GTF2I: variants seen among roughly 807,000 people sequenced by gnomAD.
The protein encoded by GTF2I is general transcription factor IIi.
Under a neutral mutation model 67.6 loss-of-function variants are expected in GTF2I, and 12 were observed. That is an observed-to-expected ratio of 0.18 (90% confidence interval 0.11 to 0.29). The LOEUF is 0.29. GTF2I is among the 10% of genes least tolerant of loss of function. The pLI, the probability that GTF2I is intolerant of heterozygous loss-of-function variation, is 1.00. For synonymous variants in GTF2I, 149 were observed against 197.0 expected (o/e 0.76, Z 2.04); for missense variants, 271 against 580.1 (o/e 0.47, Z 5.47).
At chr7:74,706,904 G>A (rs182424030) in intron 8 of GTF2I, among the ~76,000 whole-genome samples, 1 of 152,194 alleles carries the variant, frequency 6.6e-6, no homozygotes, top group African/African-American at 2.4e-5. Flanking sequence ...AGACTGAAGT[G>A]CAGTGGCACG....
rs369540422 is a variant in GTF2I at position 74,685,404 on chromosome 7, G to C, written c.-5-3720G>C. 1.1e-3 allele frequency among the ~76,000 whole-genome samples: 166 copies of C among 152,296 alleles called. 3 individuals carry two copies. Among genetic ancestry groups the C allele is most frequent in the African/African-American group, 3.6e-3 (150 of 41,558 alleles). On this transcript the variant is annotated intron_variant, in intron 1 of 34. Coordinates refer to ENST00000573035, the MANE Select transcript of GTF2I (RefSeq NM_032999.4). Reference sequence around the variant, plus strand: ...CTCAGCTACTCGGGAGGCTGAGGCAGGAGAATCGCTTGAACCCGGGAGGCA... The same window carrying C: ...CTCAGCTACTCGGGAGGCTGAGGCACGAGAATCGCTTGAACCCGGGAGGCA...
At chr7:74,684,713 C>T (rs1787546251) in intron 1 of GTF2I, 1 of 152,370 alleles carries the variant, frequency 6.6e-6, no homozygotes, top group East Asian at 1.9e-4. Flanking sequence ...GGGGTGCTTT[C>T]CATCCTGCAG....
chr7:74,664,157 G>A (rs1400034019), intron 1 of GTF2I, among the ~76,000 whole-genome samples: 2 of 152,108 alleles, frequency 1.3e-5, no homozygotes, highest in Non-Finnish European at 1.5e-5. Flanking sequence ...GTACGTCATC[G>A]GAAGAGGTGA....
chr7:74,707,326 C>T (rs1292249484), intron 8 of GTF2I, among the ~76,000 whole-genome samples: 1 of 152,234 alleles, frequency 6.6e-6, no homozygotes, highest in Non-Finnish European at 1.5e-5. Context: ...TGTCACCGCC[C>T]TGCCTGCCCC....
intron 1 of GTF2I, among the ~76,000 whole-genome samples, chr7:74,660,593 T>TTTTTCC (rs1804389481): frequency 6.6e-6 from 1 of 151,394 alleles, no homozygotes; most frequent in Non-Finnish European, 1.5e-5. Context: ...TTCTCTCTTT[T>TTTTTCC]TTTTCCTTTT....
At chr7:74,747,113 CAACT>C (rs1442974809) in intron 23 of GTF2I, among the ~76,000 whole-genome samples, 3 of 67,708 alleles carry the variant, frequency 4.4e-5, no homozygotes, top group African/African-American at 1.3e-4. Context: ...AATCTCCAAC[CAACT>C]GTCAAGTATG....
chr7:74,671,721 C>T (rs782787881), intron 1 of GTF2I, among the ~76,000 whole-genome samples: 4 of 152,088 alleles, frequency 2.6e-5, no homozygotes, highest in Non-Finnish European at 4.4e-5. Context: ...GTGTCTCACG[C>T]CTGTAATCTG....
rs781943013 is a variant in GTF2I at position 74,700,269 on chromosome 7, A to G, written c.396A>G (p.Thr132=). ...FCYGKALGKS[T]VVPVPYEKML... ...CAGGGAAAGCTTTAGGCAAATCCAC[A>G]GTGGTACCTGTACCATATGAGAAGA... The change falls in exon 5 of 35, where the codon ACA becomes ACG. Residue 132 remains threonine, a synonymous_variant. Coordinates refer to ENST00000573035, the MANE Select transcript of GTF2I (RefSeq NM_032999.4). The G allele has an allele frequency of 6.2e-7, 1 of 1,614,160 alleles. No individual in the cohort carries two copies. The highest frequency in any genetic ancestry group is 8.5e-7 in the Non-Finnish European group (1 of 1,180,016).
At chr7:74,731,546 G>A (rs1168450274) in intron 14 of GTF2I, among the ~76,000 whole-genome samples, 2 of 83,662 alleles carry the variant, frequency 2.4e-5, no homozygotes, top group Non-Finnish European at 4.3e-5. Flanking sequence ...TTTTTGTTTT[G>A]TTGTTGTTTT....
At chr7:74,660,654 T>C (rs1223108436) in intron 1 of GTF2I, among the ~76,000 whole-genome samples, 1 of 139,922 alleles carries the variant, frequency 7.1e-6, no homozygotes, top group Admixed American at 7.9e-5. Context: ...GGAGTTTCGC[T>C]CTCGTTGCCC....
intron 3 of GTF2I, among the ~76,000 whole-genome samples, chr7:74,691,948 T>C (rs782442510): frequency 1.4e-4 from 21 of 151,520 alleles, no homozygotes; most frequent in Non-Finnish European, 2.5e-4. Context: ...GGCTAATTTT[T>C]GTAATTTTAG....
chr7:74,695,325 A>G (rs1269522967), intron 3 of GTF2I, among the ~76,000 whole-genome samples: 5 of 152,312 alleles, frequency 3.3e-5, no homozygotes, highest in Admixed American at 2.0e-4. Context: ...AACAAGTTCT[A>G]CCGTGGGTGA....
chr7:74,693,436 G>A (rs1554397567), intron 3 of GTF2I, among the ~76,000 whole-genome samples: 1 of 151,650 alleles, frequency 6.6e-6, no homozygotes, highest in Admixed American at 6.6e-5. Context: ...GTCCTCGAAC[G>A]CACACATATA....
In GTF2I at chr7:74,711,015, T is replaced by C. The variant is rs1791481298; in HGVS notation, c.686-17T>C. On this transcript the variant is annotated splice_polypyrimidine_tract_variant and intron_variant, in intron 8 of 34. Transcript: ENST00000573035. ...AAGTTCTCACATGCAATCATATCAT[T>C]GCATTTGCTTTTCTAGGCATTTCCC... The C allele has an allele frequency of 1.5e-6, 2 of 1,375,614 alleles. No individual in the cohort carries two copies. The highest frequency in any genetic ancestry group is 1.5e-5 in the African/African-American group (1 of 68,862). The allele number at this position is 1,375,614 out of a possible 1,614,324, so 85.2% of individuals were successfully genotyped here.
chr7:74,658,516 C>T (rs1422567160), intron 1 of GTF2I, among the ~76,000 whole-genome samples: 1 of 149,248 alleles, frequency 6.7e-6, no homozygotes, highest in African/African-American at 2.4e-5. Context: ...GGTGCGGGGG[C>T]GCGCGCGGTG....
At chr7:74,712,524 GTGTGTGTGTGTGTCA>G (rs1791713814) in intron 9 of GTF2I, among the ~76,000 whole-genome samples, 1 of 146,026 alleles carries the variant, frequency 6.8e-6, no homozygotes, top group Non-Finnish European at 1.5e-5. Context: ...GTGTGTGTGT[GTGTGTGTGTGTGTCA>G]TGTCATATTT....
chr7:74,719,016 A>G, intron 12 of GTF2I, 75 bp downstream of exon 12: 1 of 748,118 alleles, frequency 1.3e-6, no homozygotes, highest in Non-Finnish European at 2.2e-6. Flanking sequence ...ACATTGCTAA[A>G]TATGCATTTC....
At chr7:74,683,097 A>G (rs949589542) in intron 1 of GTF2I, among the ~76,000 whole-genome samples, 12 of 152,240 alleles carry the variant, frequency 7.9e-5, no homozygotes, top group African/African-American at 2.9e-4. Flanking sequence ...GGCAGAATCT[A>G]AAGAGACAAT....
At chr7:74,713,321 A>C (rs1281735854) in intron 9 of GTF2I, among the ~76,000 whole-genome samples, 2 of 152,216 alleles carry the variant, frequency 1.3e-5, no homozygotes, top group African/African-American at 4.8e-5. Context: ...CCTCACAGTA[A>C]AAGTAAAAAT....
Sources: gnomAD v4.1 joint callset for allele counts (sites outside exome capture counted in the v4.1 genomes callset) on GRCh38, gnomAD v4.1.1 for gene constraint, MANE v1.5 for transcripts, NCBI Gene and HGNC (gene_info 2026-07-23, HGNC 2026-07-21) for gene names.